Variants in PCDHA3 observed in about 807,000 individuals in gnomAD.
PCDHA3 encodes protocadherin alpha-3.
A neutral mutation model predicts 62.2 loss-of-function variants in PCDHA3; 41 were observed. That is an observed-to-expected ratio of 0.66 (90% CI 0.51 to 0.86). The LOEUF (loss-of-function observed/expected upper bound fraction) is 0.86. Among genes scored for constraint, PCDHA3 ranks in the 40% least tolerant of loss-of-function variants. The probability of loss-of-function intolerance (pLI) is 0.00; values close to 1 mark genes in which losing one functional copy is unlikely to be tolerated. For synonymous variants in PCDHA3, 640 were observed against 555.4 expected, an observed-to-expected ratio of 1.15 and a Z score of -2.14; for missense variants, 1,304 against 1,241.2, an observed-to-expected ratio of 1.05 and a Z score of -0.76.
intron 1 of PCDHA3, chr5:140,864,760 T>C (rs1282604676): frequency 6.6e-6 from 1 of 152,230 alleles, no homozygotes; most frequent in Non-Finnish European, 1.5e-5. Flanking sequence ...TCATTTTTCT[T>C]TCATTTTTGG....
At chr5:140,884,054 G>A (rs1313975286) in intron 1 of PCDHA3, 1 of 1,613,390 alleles carries the variant, frequency 6.2e-7, no homozygotes, top group Non-Finnish European at 8.5e-7. Flanking sequence ...GAAGGTGCGC[G>A]CGGTGGACGC....
rs138889909 is a variant in PCDHA3, at chr5:140,830,388, A to G, written c.2394+26797A>G. 2.8e-4 allele frequency: 444 copies of G among 1,614,182 alleles called. 2 individuals are homozygous for G. The highest frequency in any genetic ancestry group is 1.8e-3 in the Middle Eastern group (11 of 6,062). ...GTGTGCTCCGGGGAGGGCCCACCCA[A>G]GATGGATCTCATGGCCTTTAGCCCC... On this transcript the variant is annotated intron_variant, in intron 1 of 3. Coordinates refer to ENST00000522353, the MANE Select transcript of PCDHA3 (RefSeq NM_018906.3).
chr5:140,927,499 C>G (rs781977423), intron 1 of PCDHA3: 1 of 1,614,136 alleles, frequency 6.2e-7, no homozygotes, highest in Admixed American at 1.7e-5. Context: ...CCTGCTGGTG[C>G]TTACAGCTCG....
At chr5:140,857,699 C>T (rs1554150537) in intron 1 of PCDHA3, 1 of 1,597,158 alleles carries the variant, frequency 6.3e-7, no homozygotes, top group East Asian at 2.2e-5. Flanking sequence ...CTTGACGCTG[C>T]AGGTGTTCGT....
intron 1 of PCDHA3, among the ~76,000 whole-genome samples, chr5:140,907,969 A>C (rs1355560411): frequency 1.3e-5 from 2 of 152,204 alleles, no homozygotes; most frequent in African/African-American, 4.8e-5. Flanking sequence ...CCAATTTTCC[A>C]ATCATGCTTC....
rs1212055845 is a variant in PCDHA3 at position 140,857,419 on chromosome 5, C to T, written c.2394+53828C>T. On this transcript the variant is annotated intron_variant, in intron 1 of 3. Coordinates refer to ENST00000522353, the MANE Select transcript of PCDHA3 (RefSeq NM_018906.3). ...ACAACGCGCCTGCGTTCGCGCAGTC[C>T]GAGTACACGGTGTTCGTGAAGGAGA... The T allele has an allele frequency of 3.1e-6, 5 of 1,598,216 alleles. 1 individual carries two copies. The African/African-American group carries it at 6.7e-5, about 22-fold the overall frequency.
At chr5:140,834,711 G>A (rs1401581496) in intron 1 of PCDHA3, 1 of 1,614,266 alleles carries the variant, frequency 6.2e-7, no homozygotes. Context: ...GGAGGTGATC[G>A]TGGAAAGGCC....
chr5:140,939,388 A>C, intron 1 of PCDHA3, among the ~76,000 whole-genome samples: 1 of 152,232 alleles, frequency 6.6e-6, no homozygotes, highest in East Asian at 1.9e-4. Context: ...CATTCAGATC[A>C]TAGCAAGTTT....
At chr5:140,863,619 G>T (rs929497963) in intron 1 of PCDHA3, 8 of 333,052 alleles carry the variant, frequency 2.4e-5, no homozygotes, top group South Asian at 1.3e-4. Context: ...CCCTCATAGT[G>T]ACATTGATAA....
intron 1 of PCDHA3, chr5:140,822,381 A>G: frequency 6.2e-7 from 1 of 1,614,174 alleles, no homozygotes; most frequent in Non-Finnish European, 8.5e-7. Flanking sequence ...TAGATAGAGA[A>G]GAAACACAAG....
At chr5:140,870,817 G>A in intron 1 of PCDHA3, 6 of 1,613,726 alleles carry the variant, frequency 3.7e-6, no homozygotes, top group Non-Finnish European at 5.1e-6. Context: ...GGCTGGCAGC[G>A]CGGGAGGCGC....
At chr5:140,862,800 G>T (rs782261222) in intron 1 of PCDHA3, 1 of 575,550 alleles carries the variant, frequency 1.7e-6, no homozygotes, top group African/African-American at 2.0e-5. Flanking sequence ...AGGAGCTGGA[G>T]CTGCTGCAGT....
chr5:140,952,566 G>A (rs1198943972), intron 1 of PCDHA3, among the ~76,000 whole-genome samples: 1 of 151,938 alleles, frequency 6.6e-6, no homozygotes, highest in African/African-American at 2.4e-5. Flanking sequence ...TCAGCACTTC[G>A]GTCCCAATCA....
chr5:140,814,732 A>T (rs1021205164), intron 1 of PCDHA3: 3 of 152,210 alleles, frequency 2.0e-5, no homozygotes, highest in African/African-American at 7.2e-5. Context: ...TTTCAGCTCC[A>T]TTATAATCTT....
At chr5:140,850,291 C>T (rs782425750) in intron 1 of PCDHA3, 1 of 1,596,090 alleles carries the variant, frequency 6.3e-7, no homozygotes, top group African/African-American at 1.3e-5. Flanking sequence ...GCAGTGGACG[C>T]CGACTCGGGC....
At chr5:140,994,809 C>G (rs1366407347) in intron 3 of PCDHA3, among the ~76,000 whole-genome samples, 1 of 152,016 alleles carries the variant, frequency 6.6e-6, no homozygotes, top group Non-Finnish European at 1.5e-5. Flanking sequence ...AAACAAAATA[C>G]AAAAAACTGA....
At chr5:140,925,219 AG>A (rs1324328907) in intron 1 of PCDHA3, among the ~76,000 whole-genome samples, 1 of 152,238 alleles carries the variant, frequency 6.6e-6, no homozygotes, top group Admixed American at 6.5e-5. Context: ...ACTTTTAGGC[AG>A]GTTTCTACCA....
intron 3 of PCDHA3, among the ~76,000 whole-genome samples, chr5:140,990,327 A>G (rs2097387817): frequency 1.3e-5 from 2 of 152,174 alleles, no homozygotes; most frequent in African/African-American, 4.8e-5. Flanking sequence ...AACAAACTTT[A>G]AAAATAAGTA....
chr5:140,948,345 A>G (rs1476053305), intron 1 of PCDHA3, among the ~76,000 whole-genome samples: 3 of 151,554 alleles, frequency 2.0e-5, no homozygotes, highest in African/African-American at 7.2e-5. Context: ...TAGTATTTCT[A>G]ACCTAATAAA....
Sources: gnomAD v4.1 joint callset for allele counts (sites outside exome capture counted in the v4.1 genomes callset) on GRCh38, gnomAD v4.1.1 for gene constraint, MANE v1.5 for transcripts, NCBI Gene and HGNC (gene_info 2026-07-23, HGNC 2026-07-21) for gene names.